The following C21orf91 variants were observed in gnomAD, a reference collection of about 807,000 sequenced individuals.
The protein encoded by C21orf91 is protein EURL homolog.
A neutral mutation model predicts 32.9 loss-of-function variants in C21orf91; 26 were observed. The ratio of observed to expected loss-of-function variants is 0.79; its 90% CI spans 0.58 to 1.10. C21orf91 has a LOEUF of 1.10. Ranked by LOEUF, C21orf91 falls within the 50% of genes least tolerant of loss-of-function variation. The pLI is 0.00. For synonymous variants in C21orf91, 126 were observed against 120.4 expected (o/e 1.05, Z -0.31); for missense variants, 310 against 341.3 (o/e 0.91, Z 0.72).
chr21:17,795,425 T>A (rs1453538052), intron 3 of C21orf91, among the ~76,000 whole-genome samples, 155 bp from the exon 4 acceptor site: 1 of 152,222 alleles, frequency 6.6e-6, no homozygotes, highest in Non-Finnish European at 1.5e-5. Flanking sequence ...CGCTCGTAAG[T>A]GTGGAGTAGA....
At position 17,791,630 on chromosome 21, in the gene C21orf91, TG is replaced by T. The variant is rs1291847306; in HGVS notation, c.*1784del. On this transcript the variant is annotated 3_prime_UTR_variant, in exon 5 of 5. Coordinates refer to ENST00000284881, the MANE Select transcript of C21orf91 (RefSeq NM_001100420.2). ...AAGAGTAAAGTCAAATTTGAAAATG[TG>T]GGAACAATTAAGCACTAAGATATTA... 3 of 152,114 alleles carry T rather than the reference TG, an allele frequency of 2.0e-5. No individual in the cohort carries two copies. Among genetic ancestry groups the T allele is most frequent in the Non-Finnish European group, 4.4e-5 (3 of 67,962 alleles). The allele number at this position is 152,114 out of a possible 1,614,324, so 9.4% of individuals were successfully genotyped here. A position where few individuals can be genotyped will look rare whatever the true frequency, so the allele number is the denominator to read the frequency against.
intron 3 of C21orf91, 76 bp from the exon 4 acceptor site, chr21:17,795,346 C>T: frequency 2.1e-6 from 2 of 972,496 alleles, no homozygotes; most frequent in Non-Finnish European, 3.3e-6. Flanking sequence ...AACACAATAT[C>T]CTATTTTTAA....
rs147695522 is a variant in C21orf91, at chr21:17,815,363, C to T, written c.127+2829G>A. Among the ~76,000 whole-genome samples, 6 of 152,238 alleles carry T rather than the reference C, an allele frequency of 3.9e-5. No homozygotes were observed. The East Asian group carries it at 1.2e-3, about 29-fold the overall frequency. ...ATAAAGCTAAGAAATCAGGCAACTG[C>T]AATACTACCAAACTACAAAAAATTT... On this transcript the variant is annotated intron_variant, in intron 2 of 4. Coordinates refer to ENST00000284881, the MANE Select transcript of C21orf91 (RefSeq NM_001100420.2).
At chr21:17,809,235 C>T (rs1192015419) in intron 2 of C21orf91, among the ~76,000 whole-genome samples, 2 of 151,950 alleles carry the variant, frequency 1.3e-5, no homozygotes, top group African/African-American at 4.8e-5. Context: ...TTTGTTCAGC[C>T]AAATTAACAT....
intron 2 of C21orf91, among the ~76,000 whole-genome samples, chr21:17,802,748 A>G (rs1253063366): frequency 1.3e-5 from 2 of 152,222 alleles, no homozygotes; most frequent in Non-Finnish European, 2.9e-5. Flanking sequence ...CCTGTCAAAT[A>G]GCACTGTCTC....
chr21:17,800,265 A>G (rs2062549930), intron 2 of C21orf91, among the ~76,000 whole-genome samples: 1 of 152,214 alleles, frequency 6.6e-6, no homozygotes, highest in Admixed American at 6.5e-5. Flanking sequence ...TTAAAGTTCA[A>G]TTAGAAACAT....
intron 4 of C21orf91, among the ~76,000 whole-genome samples, chr21:17,793,998 T>C (rs887091358): frequency 5.3e-5 from 8 of 152,222 alleles, no homozygotes. Flanking sequence ...TGAATCCTTG[T>C]TCCTACTCTT....
chr21:17,793,454 C>T lies in C21orf91; in HGVS notation c.855G>A (p.Gly285=), dbSNP rs1353590753. The part of the protein sequence containing the change: ...NCSKLPCLQV[G]RTGMKSHLPI... ...GTAGGTGCGACTTCATTCCTGTTCG[C>T]CCTACTTGCAGACATGGTAACTTAG... The change falls in exon 5 of 5, where the codon GGG becomes GGA. Residue 285 remains glycine (G), a synonymous_variant. Coordinates refer to ENST00000284881, the MANE Select transcript of C21orf91 (RefSeq NM_001100420.2). 6.2e-7 allele frequency: 1 copy of T among 1,612,750 alleles called. No homozygotes were observed. The highest frequency in any genetic ancestry group is 8.5e-7 in the Non-Finnish European group (1 of 1,179,194).
rs920985871 is a variant in C21orf91 at position 17,789,276 on chromosome 21, C to T, written c.*4139G>A. 6.6e-6 allele frequency: 1 copy of T among 151,910 alleles called. No individual in the cohort carries two copies. The highest frequency in any genetic ancestry group is 6.6e-5 in the Admixed American group (1 of 15,234). 9.4% of individuals were successfully genotyped at this position (151,910 alleles called of 1,614,324 possible). On this transcript the variant is annotated 3_prime_UTR_variant, in exon 5 of 5. Coordinates refer to ENST00000284881, the MANE Select transcript of C21orf91 (RefSeq NM_001100420.2). Reference sequence around the variant, plus strand: ...GTTCACACACACACACACACACACACACACACACACAAAATGGAACTGAAC... The same window carrying T: ...GTTCACACACACACACACACACACATACACACACACAAAATGGAACTGAAC...
intron 2 of C21orf91, among the ~76,000 whole-genome samples, chr21:17,806,473 T>C (rs1252459407): frequency 6.6e-6 from 1 of 151,718 alleles, no homozygotes; most frequent in Non-Finnish European, 1.5e-5. Context: ...CCAGGTTACA[T>C]AGAAAATAAC....
chr21:17,818,652 C>A (rs568598792), intron 1 of C21orf91, among the ~76,000 whole-genome samples: 22 of 152,376 alleles, frequency 1.4e-4, no homozygotes, highest in Admixed American at 1.2e-3. Flanking sequence ...CTCGAATAAT[C>A]AGAGGGCTTA....
chr21:17,797,928 T>C (rs1392491117), intron 2 of C21orf91, among the ~76,000 whole-genome samples: 1 of 151,968 alleles, frequency 6.6e-6, no homozygotes, highest in Non-Finnish European at 1.5e-5. Flanking sequence ...ATATAAAAAT[T>C]ATAAAAATAT....
chr21:17,817,223 T>G (rs1400808350), intron 2 of C21orf91, among the ~76,000 whole-genome samples: 4 of 152,230 alleles, frequency 2.6e-5, no homozygotes, highest in Admixed American at 2.6e-4. Context: ...CACATACTGT[T>G]TGGTGACCAT....
chr21:17,805,760 A>G (rs1366509349), intron 2 of C21orf91, among the ~76,000 whole-genome samples: 1 of 152,242 alleles, frequency 6.6e-6, no homozygotes, highest in East Asian at 1.9e-4. Context: ...CAATAATCCA[A>G]TGGACCCAAG....
intron 2 of C21orf91, among the ~76,000 whole-genome samples, chr21:17,812,398 C>T (rs2146261763): frequency 6.6e-6 from 1 of 152,254 alleles, no homozygotes; most frequent in East Asian, 1.9e-4. Context: ...ATCCTTAAAG[C>T]AACAGTGTTG....
intron 2 of C21orf91, among the ~76,000 whole-genome samples, chr21:17,810,999 G>A (rs1244250669): frequency 6.6e-6 from 1 of 152,138 alleles, no homozygotes; most frequent in Non-Finnish European, 1.5e-5. Flanking sequence ...TAAAAATTAA[G>A]CATGTCTTAG....
At chr21:17,803,010 A>C (rs1044044066) in intron 2 of C21orf91, among the ~76,000 whole-genome samples, 1 of 152,210 alleles carries the variant, frequency 6.6e-6, no homozygotes, top group Non-Finnish European at 1.5e-5. Flanking sequence ...AAGCACTAAG[A>C]AAGCAAGCAC....
chr21:17,816,923 G>T (rs568840202), intron 2 of C21orf91, among the ~76,000 whole-genome samples: 173 of 152,238 alleles, frequency 1.1e-3, no homozygotes, highest in African/African-American at 4.2e-3. Flanking sequence ...CATAAATTTG[G>T]ATTTTCACCC....
At position 17,800,493 on chromosome 21, in the gene C21orf91, T is replaced by C. The variant is rs143762345; in HGVS notation, c.128-3375A>G. On this transcript the variant is annotated intron_variant, in intron 2 of 4. Coordinates refer to ENST00000284881, the MANE Select transcript of C21orf91 (RefSeq NM_001100420.2). ...TCTACCTCATCAGTTCAAATTATTA[T>C]AGCAGAAACAACCATTGCTATTTCA... Among the ~76,000 whole-genome samples, 1,178 of 152,362 alleles carry C rather than the reference T, an allele frequency of 7.7e-3. 17 individuals are homozygous for C. Among genetic ancestry groups the C allele is most frequent in the African/African-American group, 0.027 (1,106 of 41,584 alleles).
Sources: gnomAD v4.1 joint callset for allele counts (sites outside exome capture counted in the v4.1 genomes callset) on GRCh38, gnomAD v4.1.1 for gene constraint, MANE v1.5 for transcripts, NCBI Gene and HGNC (gene_info 2026-07-23, HGNC 2026-07-21) for gene names.